PDGFC: variants seen among roughly 807,000 people sequenced by gnomAD.
PDGFC encodes platelet derived growth factor C, also known as platelet-derived growth factor C.
PDGFC carries 12 observed loss-of-function variants against 35.5 expected under a neutral mutation model. The ratio of observed to expected loss-of-function variants is 0.34; its 90% CI spans 0.22 to 0.55. PDGFC has a LOEUF of 0.55. Among genes scored for constraint, PDGFC ranks in the 20% least tolerant of loss-of-function variants. The pLI is 0.91. For missense variants in PDGFC, 322 were observed against 412.4 expected (o/e 0.78, Z 1.90); for synonymous variants, 159 against 148.8 (o/e 1.07, Z -0.50).
At chr4:156,896,476 G>T (rs1345064122) in intron 1 of PDGFC, among the ~76,000 whole-genome samples, 2 of 152,128 alleles carry the variant, frequency 1.3e-5, no homozygotes, top group African/African-American at 4.8e-5. Flanking sequence ...ACTGAAAAGA[G>T]AAATGCCACC....
chr4:156,905,931 G>T (rs999420496), intron 1 of PDGFC, among the ~76,000 whole-genome samples: 13 of 151,606 alleles, frequency 8.6e-5, no homozygotes, highest in Non-Finnish European at 1.0e-4. Flanking sequence ...TCCTAGCTCT[G>T]CTTACAAGCC....
At chr4:156,883,491 G>A (rs1006912435) in intron 1 of PDGFC, among the ~76,000 whole-genome samples, 1 of 152,038 alleles carries the variant, frequency 6.6e-6, no homozygotes, top group Non-Finnish European at 1.5e-5. Flanking sequence ...TTTGAGGCAA[G>A]GTTTATGTTA....
intron 1 of PDGFC, among the ~76,000 whole-genome samples, chr4:156,932,688 T>C (rs1299630389): frequency 2.2e-5 from 3 of 135,510 alleles, no homozygotes; most frequent in South Asian, 2.3e-4. Flanking sequence ...CAGGTGGGAA[T>C]TGAACAATGA....
chr4:156,808,380 A>C (rs1343966313), intron 3 of PDGFC, among the ~76,000 whole-genome samples: 2 of 152,052 alleles, frequency 1.3e-5, no homozygotes, highest in African/African-American at 4.8e-5. Context: ...TGGAATCTAA[A>C]GTGGAATTTT....
chr4:156,926,390 G>A (rs926385524), intron 1 of PDGFC, among the ~76,000 whole-genome samples: 2 of 152,078 alleles, frequency 1.3e-5, no homozygotes, highest in Non-Finnish European at 2.9e-5. Context: ...GGGAAGTACT[G>A]GGTAGATAAA....
At chr4:156,907,323 C>T (rs773197776) in intron 1 of PDGFC, among the ~76,000 whole-genome samples, 1 of 152,104 alleles carries the variant, frequency 6.6e-6, no homozygotes, top group Non-Finnish European at 1.5e-5. Flanking sequence ...ATAAAACACA[C>T]ATTTGCTAAC....
chr4:156,831,319 A>T (rs1728926333), intron 2 of PDGFC, among the ~76,000 whole-genome samples: 1 of 152,038 alleles, frequency 6.6e-6, no homozygotes, highest in Non-Finnish European at 1.5e-5. Flanking sequence ...TAATTTTCTA[A>T]AAATTTAGCT....
At chr4:156,962,005 T>C (rs1406441117) in intron 1 of PDGFC, among the ~76,000 whole-genome samples, 1 of 152,138 alleles carries the variant, frequency 6.6e-6, no homozygotes, top group African/African-American at 2.4e-5. Flanking sequence ...CAAGTAGTTA[T>C]CTGCACACAC....
At chr4:156,856,532 C>A (rs1171750759) in intron 1 of PDGFC, among the ~76,000 whole-genome samples, 1 of 152,070 alleles carries the variant, frequency 6.6e-6, no homozygotes, top group Middle Eastern at 3.2e-3. Flanking sequence ...TGTACACTCC[C>A]TTTAGGAGTG....
intron 2 of PDGFC, among the ~76,000 whole-genome samples, chr4:156,818,709 A>C (rs1282679878): frequency 6.6e-6 from 1 of 151,830 alleles, no homozygotes; most frequent in Non-Finnish European, 1.5e-5. Context: ...TCACTGTGTT[A>C]GCCAGGATGG....
In PDGFC at chr4:156,958,322, TA is replaced by T. The variant is rs1189023042; in HGVS notation, c.118+12463del. The stretch of plus-strand genomic sequence containing the variant: ...ACTTAAGGCCATCAAGTTACTCATT[TA>T]AAAAAAAAAAAAGGAACTAGCAAGT... On this transcript the variant is annotated intron_variant, in intron 1 of 5. Transcript: ENST00000502773. Among the ~76,000 whole-genome samples the T allele has an allele frequency of 7.4e-3, 1,048 of 141,668 alleles. 4 individuals are homozygous for T. The highest frequency in any genetic ancestry group is 0.012 in the African/African-American group (474 of 38,844). The allele number at this position is 141,668 out of a possible 152,430, so 92.9% of individuals were successfully genotyped here.
At chr4:156,789,994 A>AG (rs1255001178) in intron 3 of PDGFC, among the ~76,000 whole-genome samples, 1 of 147,706 alleles carries the variant, frequency 6.8e-6, no homozygotes, top group Non-Finnish European at 1.5e-5. Context: ...AAAAAAAAAA[A>AG]AAAAGAAAGA....
chr4:156,764,382 C>T (rs1396653630), intron 5 of PDGFC, among the ~76,000 whole-genome samples: 3 of 152,134 alleles, frequency 2.0e-5, no homozygotes, highest in Non-Finnish European at 4.4e-5. Flanking sequence ...CATACTTTAA[C>T]TCACAAGAAT....
intron 1 of PDGFC, among the ~76,000 whole-genome samples, chr4:156,963,401 G>A (rs901989757): frequency 4.6e-5 from 7 of 152,104 alleles, no homozygotes; most frequent in African/African-American, 1.4e-4. Context: ...GCCTGGGGAA[G>A]TTAAGGCTGC....
intron 3 of PDGFC, among the ~76,000 whole-genome samples, chr4:156,791,109 C>T (rs1314937374): frequency 1.3e-5 from 2 of 152,136 alleles, no homozygotes. Context: ...CTGGCATTTT[C>T]CCAGCCAGTA....
At chr4:156,932,735 G>A (rs1209663691) in intron 1 of PDGFC, among the ~76,000 whole-genome samples, 4 of 131,994 alleles carry the variant, frequency 3.0e-5, no homozygotes, top group Non-Finnish European at 4.7e-5. Flanking sequence ...ATCACACACC[G>A]GGGCCTGTTG....
intron 1 of PDGFC, among the ~76,000 whole-genome samples, chr4:156,966,561 A>C (rs1294444090): frequency 6.6e-6 from 1 of 152,180 alleles, no homozygotes; most frequent in African/African-American, 2.4e-5. Flanking sequence ...TTTATAGATA[A>C]AACTTAGAAC....
intron 1 of PDGFC, among the ~76,000 whole-genome samples, chr4:156,926,834 C>A (rs899750021): frequency 2.6e-5 from 4 of 152,130 alleles, no homozygotes; most frequent in Non-Finnish European, 5.9e-5. Flanking sequence ...GACAGTGGCC[C>A]TCTTCTCACA....
At chr4:156,862,725 C>T (rs910286403) in intron 1 of PDGFC, among the ~76,000 whole-genome samples, 4 of 147,204 alleles carry the variant, frequency 2.7e-5, no homozygotes, top group Non-Finnish European at 3.0e-5. Context: ...ATCTCTCTCT[C>T]TTTTTTTTTT....
Sources: allele counts gnomAD v4.1 joint callset (sites outside exome capture counted in the v4.1 genomes callset), GRCh38; gene constraint gnomAD v4.1.1; transcripts MANE v1.5; gene names NCBI Gene and HGNC (gene_info 2026-07-23, HGNC 2026-07-21).